Variants in RALYL observed in about 807,000 individuals in gnomAD.
The protein encoded by RALYL is RALY RNA binding protein like.
Under a neutral mutation model 35.1 loss-of-function variants are expected in RALYL, and 29 were observed. The observed-to-expected ratio is 0.83, with a 90% CI of 0.61 to 1.13. The LOEUF is 1.13. Among genes scored for constraint, RALYL ranks in the 50% most tolerant of loss-of-function variants. The pLI is 0.00. For synonymous variants in RALYL, 120 were observed against 127.6 expected (o/e 0.94, Z 0.40); for missense variants, 359 against 360.4 (o/e 1.00, Z 0.03).
At chr8:84,489,337 T>A (rs1379982683) in intron 1 of RALYL, among the ~76,000 whole-genome samples, 5 of 152,056 alleles carry the variant, frequency 3.3e-5, no homozygotes, top group Non-Finnish European at 7.4e-5. Context: ...TTATTGATGT[T>A]AACAAAAGTT....
intron 1 of RALYL, among the ~76,000 whole-genome samples, chr8:84,199,560 A>T (rs1163059658): frequency 1.9e-4 from 29 of 152,024 alleles, no homozygotes; most frequent in Admixed American, 1.9e-3. Flanking sequence ...TTACTCAATA[A>T]TTTTTTGCCC....
At chr8:84,397,342 A>C (rs2042443423) in intron 1 of RALYL, among the ~76,000 whole-genome samples, 1 of 152,246 alleles carries the variant, frequency 6.6e-6, no homozygotes, top group Admixed American at 6.5e-5. Flanking sequence ...TATGATAATT[A>C]GTTACAGAAA....
At chr8:84,816,538 T>TAA (rs2134175282) in intron 4 of RALYL, among the ~76,000 whole-genome samples, 1 of 152,294 alleles carries the variant, frequency 6.6e-6, no homozygotes, top group Non-Finnish European at 1.5e-5. Context: ...ATAATTTAAC[T>TAA]AAGTCAGAAC....
intron 1 of RALYL, among the ~76,000 whole-genome samples, chr8:84,407,012 CTCTCTCTATATA>C (rs925617010): frequency 1.3e-4 from 18 of 142,862 alleles, no homozygotes; most frequent in Non-Finnish European, 7.5e-5. Context: ...CTCTCTCTCT[CTCTCTCTATATA>C]TATATATATA....
intron 1 of RALYL, among the ~76,000 whole-genome samples, chr8:84,206,471 A>G (rs1175426256): frequency 6.6e-6 from 1 of 152,200 alleles, no homozygotes; most frequent in Non-Finnish European, 1.5e-5. Flanking sequence ...TACACGAGAC[A>G]CTGAAAAAAC....
At chr8:84,847,980 C>A (rs995976940) in intron 4 of RALYL, among the ~76,000 whole-genome samples, 9 of 152,040 alleles carry the variant, frequency 5.9e-5, no homozygotes, top group African/African-American at 2.2e-4. Context: ...ATCCTTAAAG[C>A]CAAAATAACA....
At chr8:84,527,235 G>C (rs2058967810) in intron 1 of RALYL, among the ~76,000 whole-genome samples, 1 of 151,978 alleles carries the variant, frequency 6.6e-6, no homozygotes, top group African/African-American at 2.4e-5. Flanking sequence ...CAGTTTGGAG[G>C]TACAGGTATG....
chr8:84,643,314 G>A (rs1399753475), intron 2 of RALYL, among the ~76,000 whole-genome samples: 3 of 151,838 alleles, frequency 2.0e-5, no homozygotes, highest in African/African-American at 7.3e-5. Flanking sequence ...AAATAGAGAA[G>A]AGCCCCAGTG....
At chr8:84,425,431 T>A (rs931379332) in intron 1 of RALYL, among the ~76,000 whole-genome samples, 4 of 152,166 alleles carry the variant, frequency 2.6e-5, no homozygotes, top group African/African-American at 9.6e-5. Flanking sequence ...GCTCACCCAC[T>A]GGCCTGCGCC....
At chr8:84,275,147 A>T (rs1835108482) in intron 1 of RALYL, among the ~76,000 whole-genome samples, 1 of 152,126 alleles carries the variant, frequency 6.6e-6, no homozygotes, top group Non-Finnish European at 1.5e-5. Flanking sequence ...TTTGATAGAG[A>T]ATTCTATTAC....
intron 1 of RALYL, among the ~76,000 whole-genome samples, chr8:84,414,060 A>T (rs2044369402): frequency 1.3e-5 from 2 of 152,156 alleles, no homozygotes; most frequent in African/African-American, 2.4e-5. Context: ...GTGCATATTT[A>T]AGCTAAACTT....
chr8:84,676,041 C>T (rs1460411433), intron 2 of RALYL, among the ~76,000 whole-genome samples: 1 of 152,152 alleles, frequency 6.6e-6, no homozygotes, highest in African/African-American at 2.4e-5. Context: ...AATCATTACA[C>T]TGTATATCTC....
chr8:84,257,752 C>T (rs544187256), intron 1 of RALYL, among the ~76,000 whole-genome samples: 143 of 152,082 alleles, frequency 9.4e-4, no homozygotes, highest in Middle Eastern at 6.8e-3. Flanking sequence ...TGGAAAGGTA[C>T]GACTCCTGAA....
At chr8:84,292,418 G>A (rs1838937017) in intron 1 of RALYL, among the ~76,000 whole-genome samples, 1 of 152,138 alleles carries the variant, frequency 6.6e-6, no homozygotes, top group African/African-American at 2.4e-5. Context: ...AAAGGGAGGG[G>A]AGAAATGCCA....
chr8:84,503,396 G>A (rs953822013), intron 1 of RALYL, among the ~76,000 whole-genome samples: 3 of 151,254 alleles, frequency 2.0e-5, no homozygotes, highest in Non-Finnish European at 4.4e-5. Context: ...GGCTTAAAGG[G>A]ATCTTCCCAC....
chr8:84,682,581 G>T (rs1835805104), intron 2 of RALYL, among the ~76,000 whole-genome samples: 1 of 152,136 alleles, frequency 6.6e-6, no homozygotes, highest in South Asian at 2.1e-4. Context: ...GAGTGTATGT[G>T]TCGAGGAATT....
chr8:84,782,472 C>T (rs1420701889), intron 3 of RALYL, among the ~76,000 whole-genome samples: 3 of 152,226 alleles, frequency 2.0e-5, no homozygotes, highest in African/African-American at 7.2e-5. Context: ...TCACATCATT[C>T]TTACAGTTGG....
intron 1 of RALYL, among the ~76,000 whole-genome samples, chr8:84,415,335 G>T (rs1457633182): frequency 6.6e-6 from 1 of 151,304 alleles, no homozygotes; most frequent in Non-Finnish European, 1.5e-5. Flanking sequence ...CACCTCCCAG[G>T]TTCAAGCGAT....
intron 5 of RALYL, among the ~76,000 whole-genome samples, chr8:84,851,653 C>T (rs1411523884): frequency 3.9e-5 from 6 of 152,152 alleles, no homozygotes; most frequent in Non-Finnish European, 5.9e-5. Flanking sequence ...TCTCTCTGCT[C>T]CAGCCTCTAG....
Sources: gnomAD v4.1 joint callset for allele counts (sites outside exome capture counted in the v4.1 genomes callset) on GRCh38, gnomAD v4.1.1 for gene constraint, MANE v1.5 for transcripts, NCBI Gene and HGNC (gene_info 2026-07-23, HGNC 2026-07-21) for gene names.